ALK: variants seen among roughly 807,000 people sequenced by gnomAD.
ALK encodes ALK receptor tyrosine kinase, also known as ALK tyrosine kinase receptor.
ALK carries 74 observed loss-of-function variants against 163.1 expected under a neutral mutation model. The observed-to-expected ratio is 0.45, with a 90% CI of 0.38 to 0.55. ALK has a LOEUF of 0.55. Ranked by LOEUF, ALK falls within the 20% of genes least tolerant of loss-of-function variation. The probability of loss-of-function intolerance (pLI) is 0.00; values close to 1 mark genes in which losing one functional copy is unlikely to be tolerated. For synonymous variants in ALK, 960 were observed against 843.2 expected, an observed-to-expected ratio of 1.14 and a Z score of -2.40; for missense variants, 2,063 against 2,105.3, an observed-to-expected ratio of 0.98 and a Z score of 0.39.
chr2:29,220,552 C>T (rs1669772524), intron 23 of ALK, among the ~76,000 whole-genome samples, 154 bp downstream of exon 23: 1 of 152,194 alleles, frequency 6.6e-6, no homozygotes, highest in South Asian at 2.1e-4. Context: ...TGTCCATTCT[C>T]TTCCAGCCAG....
At chr2:29,640,448 T>C (rs1446709019) in intron 3 of ALK, among the ~76,000 whole-genome samples, 1 of 152,160 alleles carries the variant, frequency 6.6e-6, no homozygotes, top group African/African-American at 2.4e-5. Flanking sequence ...TTGCTTCTGC[T>C]CTGGCCAAGT....
intron 3 of ALK, among the ~76,000 whole-genome samples, chr2:29,622,165 T>A (rs1055259259): frequency 6.6e-6 from 1 of 152,192 alleles, no homozygotes; most frequent in Non-Finnish European, 1.5e-5. Flanking sequence ...CATCAGAAAT[T>A]CTCTTGCAGG....
At chr2:29,697,654 T>C (rs921739656) in intron 2 of ALK, among the ~76,000 whole-genome samples, 1 of 152,190 alleles carries the variant, frequency 6.6e-6, no homozygotes, top group Non-Finnish European at 1.5e-5. Flanking sequence ...GATAATGTGA[T>C]AGATATTGGA....
At chr2:29,241,326 G>A (rs977654099) in intron 12 of ALK, among the ~76,000 whole-genome samples, 9 of 152,128 alleles carry the variant, frequency 5.9e-5, no homozygotes, top group Non-Finnish European at 1.2e-4. Flanking sequence ...CTGCCCCTGT[G>A]CCCTCTCTGA....
At chr2:29,534,808 C>A (rs192437630) in intron 3 of ALK, among the ~76,000 whole-genome samples, 1 of 152,178 alleles carries the variant, frequency 6.6e-6, no homozygotes, top group Admixed American at 6.5e-5. Flanking sequence ...AATTCTGTCC[C>A]CGAAATTTGG....
At chr2:29,268,947 G>A (rs2148210719) in intron 11 of ALK, among the ~76,000 whole-genome samples, 1 of 152,290 alleles carries the variant, frequency 6.6e-6, no homozygotes, top group South Asian at 2.1e-4. Context: ...AAACGTATGT[G>A]ATCCTTGCAT....
chr2:29,646,410 T>C (rs576528790), intron 3 of ALK, among the ~76,000 whole-genome samples: 31 of 152,320 alleles, frequency 2.0e-4, no homozygotes, highest in African/African-American at 6.7e-4. Flanking sequence ...TGTTTCACTA[T>C]AGTCTCAACT....
intron 26 of ALK, 56 bp downstream of exon 26, chr2:29,207,115 C>T (rs568000184): frequency 1.4e-6 from 2 of 1,421,846 alleles, no homozygotes; most frequent in East Asian, 2.3e-5. Context: ...AGTCCTTTGG[C>T]CCAGGAGCAC....
At chr2:29,296,809 G>T in intron 9 of ALK, 79 bp downstream of exon 9, 1 of 1,589,856 alleles carries the variant, frequency 6.3e-7, no homozygotes, top group Non-Finnish European at 8.6e-7. Context: ...TAAAAGGCAC[G>T]GGGAAAGGGA....
chr2:29,358,133 G>C (rs556422647), intron 5 of ALK, among the ~76,000 whole-genome samples: 2 of 152,332 alleles, frequency 1.3e-5, no homozygotes, highest in South Asian at 4.1e-4. Context: ...TACTGAGTTT[G>C]TCAGGAGTAC....
At chr2:29,441,064 C>G (rs982175188) in intron 4 of ALK, among the ~76,000 whole-genome samples, 8 of 152,286 alleles carry the variant, frequency 5.3e-5, no homozygotes, top group African/African-American at 1.9e-4. Context: ...CCCTGCAGGC[C>G]GGGTCTGGCC....
intron 1 of ALK, among the ~76,000 whole-genome samples, chr2:29,719,019 C>T (rs1679349136): frequency 6.6e-6 from 1 of 152,184 alleles, no homozygotes; most frequent in African/African-American, 2.4e-5. Context: ...ATAAACCCCA[C>T]TTCACACACT....
intron 3 of ALK, among the ~76,000 whole-genome samples, chr2:29,622,637 T>C (rs1232435425): frequency 1.3e-4 from 20 of 152,204 alleles, no homozygotes; most frequent in Admixed American, 1.3e-3. Context: ...AGCTTCTCTG[T>C]ATGACCTGGT....
intron 4 of ALK, among the ~76,000 whole-genome samples, chr2:29,393,646 C>T (rs1051686547): frequency 5.9e-5 from 9 of 152,204 alleles, no homozygotes; most frequent in Admixed American, 1.3e-4. Flanking sequence ...TCCCAAGTAA[C>T]GTAAAACTTT....
intron 1 of ALK, among the ~76,000 whole-genome samples, chr2:29,812,714 G>C (rs991638623): frequency 2.0e-5 from 3 of 152,106 alleles, no homozygotes; most frequent in African/African-American, 7.2e-5. Context: ...AGGGGAGAAG[G>C]TCACCTGTCC....
intron 26 of ALK, among the ~76,000 whole-genome samples, chr2:29,201,824 C>T (rs1669188745): frequency 1.3e-5 from 2 of 151,948 alleles, no homozygotes; most frequent in South Asian, 2.1e-4. Flanking sequence ...CTTTGCGCTA[C>T]CTCCACTGCC....
At chr2:29,735,801 G>A (rs1208868601) in intron 1 of ALK, among the ~76,000 whole-genome samples, 1 of 151,970 alleles carries the variant, frequency 6.6e-6, no homozygotes, top group Non-Finnish European at 1.5e-5. Flanking sequence ...GGACATATTT[G>A]CTTCAATTTC....
chr2:29,563,277 G>T lies in ALK; in HGVS notation c.953-31161C>A, dbSNP rs142443332. Among the ~76,000 whole-genome samples the T allele has an allele frequency of 9.9e-5, 15 of 152,258 alleles. No homozygotes were observed. The East Asian group carries it at 2.9e-3, about 29-fold the overall frequency. ...AATTTGTTGCAGCAGGGTTTACTTGGATTACAGAACGGGAACACCTAGCGC... is the reference window on the plus strand; with the variant it reads ...AATTTGTTGCAGCAGGGTTTACTTGTATTACAGAACGGGAACACCTAGCGC... On this transcript the variant is annotated intron_variant, in intron 3 of 28. Coordinates refer to ENST00000389048, the MANE Select transcript of ALK (RefSeq NM_004304.5).
At chr2:29,685,875 C>T (rs1364207754) in intron 3 of ALK, among the ~76,000 whole-genome samples, 1 of 152,158 alleles carries the variant, frequency 6.6e-6, no homozygotes, top group East Asian at 1.9e-4. Flanking sequence ...CCCTTAGAGG[C>T]TACCTCCATT....
Sources: allele counts gnomAD v4.1 joint callset (sites outside exome capture counted in the v4.1 genomes callset), GRCh38; gene constraint gnomAD v4.1.1; transcripts MANE v1.5; gene names NCBI Gene and HGNC (gene_info 2026-07-23, HGNC 2026-07-21).